CSMD1: variants seen among roughly 807,000 people sequenced by gnomAD.
The protein encoded by CSMD1 is CUB and sushi domain-containing protein 1.
CSMD1 carries 213 observed loss-of-function variants against 417.5 expected under a neutral mutation model. The ratio of observed to expected loss-of-function variants is 0.51; its 90% CI spans 0.46 to 0.57. CSMD1 has a LOEUF of 0.57. CSMD1 is among the 20% of genes least tolerant of loss of function. The pLI is 0.00. For missense variants in CSMD1, 6,923 were observed against 4,529.7 expected (o/e 1.53, Z -15.17); for synonymous variants, 2,862 against 1,736.8 (o/e 1.65, Z -16.11).
intron 3 of CSMD1, among the ~76,000 whole-genome samples, chr8:4,144,451 T>G (rs1803987140): frequency 6.6e-6 from 1 of 151,242 alleles, no homozygotes; most frequent in Non-Finnish European, 1.5e-5. Flanking sequence ...TAGTTTCAAC[T>G]GCTCCATGAG....
In CSMD1 at chr8:3,661,906, A is replaced by C. The variant is rs1798437880; in HGVS notation, c.1010-45109T>G. Among the ~76,000 whole-genome samples, 3 of 152,216 alleles carry C rather than the reference A, an allele frequency of 2.0e-5. No individual in the cohort carries two copies. The South Asian group carries it at 6.2e-4, about 32-fold the overall frequency. On this transcript the variant is annotated intron_variant, in intron 7 of 69. Transcript: ENST00000635120. ...GATTTGTACAGGAAGATGGAAGAAG[A>C]CAGCAAATTTATAGCAAAGAGGAGT...
At chr8:3,509,035 G>A (rs1796952792) in intron 10 of CSMD1, among the ~76,000 whole-genome samples, 1 of 152,128 alleles carries the variant, frequency 6.6e-6, no homozygotes, top group Non-Finnish European at 1.5e-5. Context: ...TCTGACCTTG[G>A]GCAAGACACT....
chr8:4,273,130 G>C (rs1246985562), intron 3 of CSMD1, among the ~76,000 whole-genome samples: 2 of 152,036 alleles, frequency 1.3e-5, no homozygotes, highest in Non-Finnish European at 2.9e-5. Context: ...AAATGATAGA[G>C]GGAAAATTAC....
chr8:4,114,635 T>G (rs867911100), intron 3 of CSMD1, among the ~76,000 whole-genome samples: 1 of 152,236 alleles, frequency 6.6e-6, no homozygotes, highest in Non-Finnish European at 1.5e-5. Flanking sequence ...AAAAACCTTC[T>G]GGAAAGGATT....
At chr8:4,635,620 G>T (rs1488028680) in intron 2 of CSMD1, among the ~76,000 whole-genome samples, 6 of 152,058 alleles carry the variant, frequency 3.9e-5, no homozygotes, top group Admixed American at 1.3e-4. Context: ...ATTGGCATTT[G>T]AATAAAATGG....
chr8:3,487,014 T>A (rs2117270339), intron 11 of CSMD1, among the ~76,000 whole-genome samples: 1 of 152,098 alleles, frequency 6.6e-6, no homozygotes. Context: ...ATCCTGAACC[T>A]CTCACACACA....
At chr8:3,199,212 A>G (rs1337056311) in intron 33 of CSMD1, among the ~76,000 whole-genome samples, 1 of 152,216 alleles carries the variant, frequency 6.6e-6, no homozygotes, top group African/African-American at 2.4e-5. Context: ...TAAAACACAA[A>G]CAAAATAAAA....
At chr8:4,565,435 T>C (rs1485287878) in intron 2 of CSMD1, among the ~76,000 whole-genome samples, 3 of 152,084 alleles carry the variant, frequency 2.0e-5, no homozygotes, top group Non-Finnish European at 2.9e-5. Flanking sequence ...AGCAATTTTT[T>C]CAAGTAAAAT....
intron 12 of CSMD1, among the ~76,000 whole-genome samples, chr8:3,436,547 G>C (rs1368286838): frequency 5.3e-5 from 8 of 152,014 alleles, no homozygotes; most frequent in Non-Finnish European, 8.8e-5. Context: ...CTATATCATT[G>C]TTTCATTTTC....
chr8:3,174,745 G>C (rs1820798788), intron 37 of CSMD1, among the ~76,000 whole-genome samples: 1 of 151,894 alleles, frequency 6.6e-6, no homozygotes, highest in Non-Finnish European at 1.5e-5. Flanking sequence ...AAAAATCTAG[G>C]TGGCTGATAT....
chr8:4,118,724 C>T (rs972918560), intron 3 of CSMD1, among the ~76,000 whole-genome samples: 4 of 152,260 alleles, frequency 2.6e-5, no homozygotes, highest in Non-Finnish European at 4.4e-5. Context: ...CCATTTGACC[C>T]AGCAATCCCA....
intron 5 of CSMD1, among the ~76,000 whole-genome samples, chr8:3,961,201 T>G (rs547389031): frequency 6.6e-6 from 1 of 152,194 alleles, no homozygotes; most frequent in Non-Finnish European, 1.5e-5. Context: ...TGAAAGTCAT[T>G]GTCTCAATTA....
chr8:3,342,889 ATATGTGTG>A (rs947942487), intron 23 of CSMD1, among the ~76,000 whole-genome samples: 7 of 54,658 alleles, frequency 1.3e-4, no homozygotes, highest in African/African-American at 5.3e-4. Flanking sequence ...ATGTATAAAT[ATATGTGTG>A]TATGTGTGTG....
intron 28 of CSMD1, among the ~76,000 whole-genome samples, chr8:3,220,973 T>A (rs1301755579): frequency 6.6e-6 from 1 of 152,194 alleles, no homozygotes; most frequent in Admixed American, 6.5e-5. Context: ...TCCCTTTCCT[T>A]TCCAACTGCA....
At chr8:4,841,864 T>C (rs1047291908) in intron 1 of CSMD1, among the ~76,000 whole-genome samples, 1 of 125,570 alleles carries the variant, frequency 8.0e-6, no homozygotes, top group African/African-American at 3.0e-5. Context: ...TGAGCCGAGA[T>C]CGCACCGTTG....
intron 3 of CSMD1, among the ~76,000 whole-genome samples, chr8:4,324,778 A>G (rs1239190673): frequency 6.6e-6 from 1 of 152,316 alleles, no homozygotes; most frequent in South Asian, 2.1e-4. Flanking sequence ...ACAAACATCG[A>G]AAGTGTGTTT....
At chr8:4,133,259 A>T (rs1288034523) in intron 3 of CSMD1, among the ~76,000 whole-genome samples, 1 of 152,176 alleles carries the variant, frequency 6.6e-6, no homozygotes, top group Non-Finnish European at 1.5e-5. Flanking sequence ...TAATATTATT[A>T]AGCAAAGACT....
At chr8:4,119,158 G>A (rs916552216) in intron 3 of CSMD1, among the ~76,000 whole-genome samples, 1 of 152,040 alleles carries the variant, frequency 6.6e-6, no homozygotes, top group Admixed American at 6.6e-5. Flanking sequence ...TTAAAACCTA[G>A]ATGATGGTTT....
chr8:3,819,364 T>C (rs1340421645), intron 5 of CSMD1, among the ~76,000 whole-genome samples: 1 of 152,184 alleles, frequency 6.6e-6, no homozygotes, highest in Admixed American at 6.5e-5. Context: ...TTTATCATTA[T>C]AGCTACCCTC....
Sources: allele counts gnomAD v4.1 joint callset (sites outside exome capture counted in the v4.1 genomes callset), GRCh38; gene constraint gnomAD v4.1.1; transcripts MANE v1.5; gene names NCBI Gene and HGNC (gene_info 2026-07-23, HGNC 2026-07-21).